GLG1: variants seen among roughly 807,000 people sequenced by gnomAD.
GLG1 encodes golgi glycoprotein 1, also known as Golgi apparatus protein 1.
GLG1 carries 38 observed loss-of-function variants against 160.5 expected under a neutral mutation model. That is an observed-to-expected ratio of 0.24 (90% CI 0.18 to 0.31). The LOEUF is 0.31. GLG1 is among the 10% of genes least tolerant of loss of function. GLG1 has a pLI of 1.00. For synonymous variants in GLG1, 644 were observed against 543.4 expected (o/e 1.19, Z -2.57); for missense variants, 1,373 against 1,505.2 (o/e 0.91, Z 1.45).
intron 1 of GLG1, among the ~76,000 whole-genome samples, chr16:74,576,176 G>A (rs1310738239): frequency 9.2e-5 from 14 of 151,498 alleles, no homozygotes; most frequent in East Asian, 7.7e-4. Flanking sequence ...CAGTCTGCGC[G>A]ACAGAGCGAG....
At chr16:74,469,520 T>C (rs2015122026) in intron 16 of GLG1, 1 of 186,316 alleles carries the variant, frequency 5.4e-6, no homozygotes, top group Non-Finnish European at 1.1e-5. Flanking sequence ...ATTTGGACAG[T>C]CACGCTGAAA....
chr16:74,510,631 A>G (rs1196280926), intron 2 of GLG1, among the ~76,000 whole-genome samples: 1 of 152,206 alleles, frequency 6.6e-6, no homozygotes, highest in Admixed American at 6.5e-5. Context: ...ACAGTCATCA[A>G]TCACTGATTC....
intron 23 of GLG1, among the ~76,000 whole-genome samples, chr16:74,458,808 T>C (rs936273462): frequency 6.6e-6 from 1 of 152,226 alleles, no homozygotes; most frequent in Non-Finnish European, 1.5e-5. Flanking sequence ...AGAGCAATTC[T>C]TATTTGTGTT....
At chr16:74,468,712 G>C (rs1276834072) in intron 17 of GLG1, 6 of 528,652 alleles carry the variant, frequency 1.1e-5, no homozygotes, top group South Asian at 1.1e-4. Context: ...TGCTTAGTTA[G>C]AGCCTGTCTT....
chr16:74,557,006 T>C (rs1461284855), intron 1 of GLG1, among the ~76,000 whole-genome samples: 1 of 152,124 alleles, frequency 6.6e-6, no homozygotes, highest in Non-Finnish European at 1.5e-5. Flanking sequence ...CTTTATAATT[T>C]GGCAGGAGGA....
chr16:74,490,911 T>C (rs2015957678), intron 8 of GLG1, 90 bp downstream of exon 8: 1 of 846,732 alleles, frequency 1.2e-6, no homozygotes, highest in African/African-American at 1.7e-5. Context: ...CCACAGATGA[T>C]CCATATAAAG....
intron 1 of GLG1, among the ~76,000 whole-genome samples, chr16:74,569,736 A>T (rs192985100): frequency 6.6e-6 from 1 of 151,942 alleles, no homozygotes; most frequent in Admixed American, 6.6e-5. Flanking sequence ...GGTGGGGCTC[A>T]CCTGTAATTC....
At chr16:74,454,973 G>A (rs755197789) in intron 25 of GLG1, among the ~76,000 whole-genome samples, 9 of 151,902 alleles carry the variant, frequency 5.9e-5, no homozygotes, top group South Asian at 4.2e-4. Flanking sequence ...GTGTGGTGGC[G>A]TGCACCTGTG....
rs201693911 is a variant in GLG1 at position 74,529,809 on chromosome 16, G to GTTTTTTTTTTTTT, written c.471+2311_471+2312insAAAAAAAAAAAAA. Among the ~76,000 whole-genome samples the GTTTTTTTTTTTTT allele has an allele frequency of 7.7e-5, 8 of 104,102 alleles. 1 individual carries two copies. Among genetic ancestry groups the GTTTTTTTTTTTTT allele is most frequent in the East Asian group, 3.4e-4 (1 of 2,948 alleles). 68.3% of individuals were successfully genotyped at this position (104,102 alleles called of 152,430 possible). ...CTTCCTATTCCTTGGCTCTTTGAGAGTTCTTTTTTTTTTTTTTTTTTTTTT... is the reference window on the plus strand; with the variant it reads ...CTTCCTATTCCTTGGCTCTTTGAGAGTTTTTTTTTTTTTTTCTTTTTTTTTTTTTTTTTTTTTT... On this transcript the variant is annotated intron_variant, in intron 2 of 25. Transcript: ENST00000422840.
At chr16:74,521,595 G>T (rs1164783361) in intron 2 of GLG1, among the ~76,000 whole-genome samples, 1 of 152,160 alleles carries the variant, frequency 6.6e-6, no homozygotes, top group African/African-American at 2.4e-5. Flanking sequence ...AAGACTACAG[G>T]AAGAGAAGGT....
At chr16:74,500,467 C>CAA (rs1396073345) in intron 4 of GLG1, among the ~76,000 whole-genome samples, 3 of 140,378 alleles carry the variant, frequency 2.1e-5, no homozygotes, top group Non-Finnish European at 4.7e-5. Context: ...ACGGCCCCCA[C>CAA]AAAAAAAAAC....
chr16:74,591,464 T>C (rs544790425), intron 1 of GLG1, among the ~76,000 whole-genome samples: 2 of 151,434 alleles, frequency 1.3e-5, no homozygotes, highest in Admixed American at 1.3e-4. Flanking sequence ...CCATCTCTAC[T>C]AAAAATACAA....
In GLG1 at chr16:74,578,518, T is replaced by TA. The variant is rs560458234; in HGVS notation, c.438+28138dup. Among the ~76,000 whole-genome samples the TA allele has an allele frequency of 7.9e-5, 12 of 152,312 alleles. No homozygotes were observed. In the East Asian group the frequency reaches 1.7e-3, roughly 22 times the overall value. ...CAGCTTACACATTCTATTTAAAAAT[T>TA]AGGTAAATAAGAGTAAAGAGCTAAA... On this transcript the variant is annotated intron_variant, in intron 1 of 25. Coordinates refer to ENST00000422840, the MANE Select transcript of GLG1 (RefSeq NM_001145667.2).
rs78882983 is a variant in GLG1, at chr16:74,570,352, T to G, written c.438+36305A>C. On this transcript the variant is annotated intron_variant, in intron 1 of 25. Coordinates refer to ENST00000422840, the MANE Select transcript of GLG1 (RefSeq NM_001145667.2). ...TATTTGTCTCTTTACATTTATCTTT[T>G]AATTCACATAATAATTGTGAAGCAT... Among the ~76,000 whole-genome samples the G allele has an allele frequency of 7.6e-3, 1,162 of 152,294 alleles. 16 individuals are homozygous for G. The highest frequency in any genetic ancestry group is 0.026 in the African/African-American group (1,087 of 41,534).
rs1315015019 is a variant in GLG1 at position 74,531,690 on chromosome 16, C to G, written c.471+431G>C. Reference sequence around the variant, plus strand: ...CTGGACAAAATTCATTTTTGTGTCTCCAGTGTCTTCTGTATAGACTTCTAC... The same window carrying G: ...CTGGACAAAATTCATTTTTGTGTCTGCAGTGTCTTCTGTATAGACTTCTAC... On this transcript the variant is annotated intron_variant, in intron 2 of 25. Coordinates refer to ENST00000422840, the MANE Select transcript of GLG1 (RefSeq NM_001145667.2). 3.3e-5 allele frequency among the ~76,000 whole-genome samples: 5 copies of G among 152,258 alleles called. No homozygotes were observed. The East Asian group carries it at 7.7e-4, about 24-fold the overall frequency.
At chr16:74,533,697 C>T (rs2017608636) in intron 1 of GLG1, among the ~76,000 whole-genome samples, 1 of 152,140 alleles carries the variant, frequency 6.6e-6, no homozygotes, top group Non-Finnish European at 1.5e-5. Flanking sequence ...GGAAGAATTG[C>T]TTGAACCTAG....
At chr16:74,487,435 G>GAA (rs77396645) in intron 8 of GLG1, among the ~76,000 whole-genome samples, 1 of 151,672 alleles carries the variant, frequency 6.6e-6, no homozygotes, top group Non-Finnish European at 1.5e-5. Flanking sequence ...GGAAATAAAG[G>GAA]AAAAAACCAC....
chr16:74,450,983 T>C lies in GLG1; in HGVS notation c.*2184A>G, dbSNP rs895115629. On this transcript the variant is annotated 3_prime_UTR_variant, in exon 26 of 26. Transcript: ENST00000422840. ...ACACAATTAGAACTATAAGGGTGTT[T>C]ACGCATACTGGGAAGGAGACTGCAG... The C allele has an allele frequency of 2.6e-5, 4 of 152,214 alleles. No individual in the cohort carries two copies. Among genetic ancestry groups the C allele is most frequent in the African/African-American group, 4.8e-5 (2 of 41,454 alleles). 9.4% of individuals were successfully genotyped at this position (152,214 alleles called of 1,614,324 possible). A position where few individuals can be genotyped will look rare whatever the true frequency, so the allele number is the denominator to read the frequency against.
intron 1 of GLG1, among the ~76,000 whole-genome samples, chr16:74,533,943 T>C (rs1476368064): frequency 6.6e-6 from 1 of 152,094 alleles, no homozygotes; most frequent in Non-Finnish European, 1.5e-5. Context: ...GAAAAGGCAA[T>C]AAAGAAAATA....
Sources: gnomAD v4.1 joint callset for allele counts (sites outside exome capture counted in the v4.1 genomes callset) on GRCh38, gnomAD v4.1.1 for gene constraint, MANE v1.5 for transcripts, NCBI Gene and HGNC (gene_info 2026-07-23, HGNC 2026-07-21) for gene names.